ELMO1: variants seen among roughly 807,000 people sequenced by gnomAD.
ELMO1 encodes the protein engulfment and cell motility 1.
In ELMO1, 26 loss-of-function variants were observed where a neutral mutation model predicts 98.9. The ratio of observed to expected loss-of-function variants is 0.26; its 90% CI spans 0.19 to 0.36. The LOEUF (loss-of-function observed/expected upper bound fraction) is 0.36, where lower values mean the gene tolerates loss of function less well. Among genes scored for constraint, ELMO1 ranks in the 10% least tolerant of loss-of-function variants. ELMO1 has a pLI of 1.00. For missense variants in ELMO1, 627 were observed against 935.2 expected (o/e 0.67, Z 4.30); for synonymous variants, 346 against 346.0 (o/e 1.00, Z 0.00).
At chr7:37,243,786 C>T (rs1295994002) in intron 7 of ELMO1, among the ~76,000 whole-genome samples, 1 of 152,150 alleles carries the variant, frequency 6.6e-6, no homozygotes, top group African/African-American at 2.4e-5. Context: ...TTTGGACTCA[C>T]CCTGTTTAAT....
rs71553100 is a variant in ELMO1 at position 37,171,481 on chromosome 7, C to CTTTTTTTTTTTTTTTTTTTTTTTTTT, written c.1087-38248_1087-38247insAAAAAAAAAAAAAAAAAAAAAAAAAA. ...AGTTTATTCTTGTAACCAGGCCTTT[C>CTTTTTTTTTTTTTTTTTTTTTTTTTT]TATTTTTTTTTTTTTTTTTTTTTTT... On this transcript the variant is annotated intron_variant, in intron 13 of 21. Coordinates refer to ENST00000310758, the MANE Select transcript of ELMO1 (RefSeq NM_014800.11). Among the ~76,000 whole-genome samples the CTTTTTTTTTTTTTTTTTTTTTTTTTT allele has an allele frequency of 1.1e-4, 5 of 44,268 alleles. 2 individuals are homozygous for CTTTTTTTTTTTTTTTTTTTTTTTTTT. Among genetic ancestry groups the CTTTTTTTTTTTTTTTTTTTTTTTTTT allele is most frequent in the African/African-American group, 2.5e-4 (4 of 16,050 alleles). 29.0% of individuals were successfully genotyped at this position (44,268 alleles called of 152,430 possible). A position where few individuals can be genotyped will look rare whatever the true frequency, so the allele number is the denominator to read the frequency against.
At chr7:37,357,279 G>A (rs1045153298) in intron 1 of ELMO1, among the ~76,000 whole-genome samples, 8 of 152,118 alleles carry the variant, frequency 5.3e-5, no homozygotes, top group South Asian at 2.1e-4. Flanking sequence ...TATGCTTTTC[G>A]CTTGCTAACC....
intron 1 of ELMO1, among the ~76,000 whole-genome samples, chr7:37,402,945 G>A (rs182256610): frequency 5.1e-4 from 78 of 152,236 alleles, no homozygotes; most frequent in Non-Finnish European, 1.0e-3. Context: ...ATGCTTCTAG[G>A]TATTTACCCA....
intron 5 of ELMO1, among the ~76,000 whole-genome samples, chr7:37,262,540 C>T (rs1796027025): frequency 6.6e-6 from 1 of 152,186 alleles, no homozygotes. Flanking sequence ...TGGCATGAGG[C>T]TGTTCTTAAC....
chr7:36,942,345 C>T (rs890859339), intron 16 of ELMO1, among the ~76,000 whole-genome samples: 1 of 152,210 alleles, frequency 6.6e-6, no homozygotes, highest in African/African-American at 2.4e-5. Flanking sequence ...TTACTTACTT[C>T]TAAGATCCCT....
intron 5 of ELMO1, among the ~76,000 whole-genome samples, chr7:37,267,708 T>C (rs761778589): frequency 6.6e-6 from 1 of 152,252 alleles, no homozygotes; most frequent in Non-Finnish European, 1.5e-5. Flanking sequence ...TCTTCTCAGA[T>C]AGATACATAC....
chr7:37,385,694 T>G (rs1761452216), intron 1 of ELMO1, among the ~76,000 whole-genome samples: 1 of 152,146 alleles, frequency 6.6e-6, no homozygotes, highest in Non-Finnish European at 1.5e-5. Context: ...TAGGAGAGGG[T>G]CTGGTAGATA....
chr7:36,906,406 G>T (rs1305565276), intron 16 of ELMO1, among the ~76,000 whole-genome samples: 3 of 152,176 alleles, frequency 2.0e-5, no homozygotes, highest in African/African-American at 7.2e-5. Flanking sequence ...AATACATTCA[G>T]CTGAATTATT....
At chr7:37,331,947 A>G (rs974982635) in intron 2 of ELMO1, among the ~76,000 whole-genome samples, 1 of 152,072 alleles carries the variant, frequency 6.6e-6, no homozygotes, top group Non-Finnish European at 1.5e-5. Context: ...GAGGTACAAG[A>G]GCCATGTAGA....
chr7:37,076,866 T>C (rs1797610006), intron 15 of ELMO1, among the ~76,000 whole-genome samples: 1 of 152,222 alleles, frequency 6.6e-6, no homozygotes, highest in Non-Finnish European at 1.5e-5. Context: ...TGACAGGCAA[T>C]ATCTGCTGAG....
chr7:37,349,714 C>A (rs10278907), intron 1 of ELMO1, among the ~76,000 whole-genome samples: 83,122 of 151,894 alleles, frequency 0.55, 22,880 homozygotes, highest in East Asian at 0.68. Flanking sequence ...TCGGCCTCCC[C>A]AAGTGCTGGG....
chr7:37,323,419 G>A (rs954673580), intron 2 of ELMO1, among the ~76,000 whole-genome samples: 1 of 152,172 alleles, frequency 6.6e-6, no homozygotes, highest in Admixed American at 6.5e-5. Context: ...AAGGATGGAC[G>A]CGATGGCTCA....
chr7:37,211,188 G>T, intron 13 of ELMO1, 198 bp downstream of exon 13: 1 of 681,744 alleles, frequency 1.5e-6, no homozygotes, highest in Non-Finnish European at 2.4e-6. Flanking sequence ...AGTCACACTT[G>T]TGCAAGTTAT....
At chr7:37,103,439 T>C (rs1784749139) in intron 14 of ELMO1, among the ~76,000 whole-genome samples, 1 of 145,572 alleles carries the variant, frequency 6.9e-6, no homozygotes, top group South Asian at 2.1e-4. Context: ...AAACACTGCA[T>C]GTTCTCACTC....
chr7:36,996,589 G>A (rs895744410), intron 16 of ELMO1, among the ~76,000 whole-genome samples: 2 of 152,084 alleles, frequency 1.3e-5, no homozygotes, highest in African/African-American at 4.8e-5. Context: ...GAATGAATGG[G>A]AACCCATTTA....
In ELMO1 at chr7:37,383,256, A is replaced by G. The variant is rs185063380; in HGVS notation, c.-73-40493T>C. Among the ~76,000 whole-genome samples, 23 of 152,306 alleles carry G rather than the reference A, an allele frequency of 1.5e-4. 1 individual carries two copies. In the East Asian group the frequency reaches 4.0e-3, roughly 27 times the overall value. ...TTTTTCTGTGTCTTTAATCTCCTTTAGTTTGGGATAGTTCTTCATTCTTTC... is the reference window on the plus strand; with the variant it reads ...TTTTTCTGTGTCTTTAATCTCCTTTGGTTTGGGATAGTTCTTCATTCTTTC... On this transcript the variant is annotated intron_variant, in intron 1 of 21. Transcript: ENST00000310758.
intron 18 of ELMO1, among the ~76,000 whole-genome samples, chr7:36,878,629 G>A (rs1320320095): frequency 1.3e-5 from 2 of 152,174 alleles, no homozygotes; most frequent in Non-Finnish European, 2.9e-5. Context: ...TGAACGAATT[G>A]TTAGGACACT....
At chr7:37,049,576 G>A (rs1308344114) in intron 15 of ELMO1, among the ~76,000 whole-genome samples, 1 of 151,874 alleles carries the variant, frequency 6.6e-6, no homozygotes, top group African/African-American at 2.4e-5. Context: ...CAGAGGCTCA[G>A]GTCAGAGCCT....
chr7:37,173,723 T>C (rs1257225342), intron 13 of ELMO1, among the ~76,000 whole-genome samples: 2 of 152,232 alleles, frequency 1.3e-5, no homozygotes, highest in African/African-American at 2.4e-5. Context: ...TCAAAACTTA[T>C]ATAGAGAAGA....
Sources: gnomAD v4.1 joint callset for allele counts (sites outside exome capture counted in the v4.1 genomes callset) on GRCh38, gnomAD v4.1.1 for gene constraint, MANE v1.5 for transcripts, NCBI Gene and HGNC (gene_info 2026-07-23, HGNC 2026-07-21) for gene names.